Variants in DPP10 observed in about 807,000 individuals in gnomAD.
DPP10 encodes the protein dipeptidyl peptidase like 10, also known as inactive dipeptidyl peptidase 10.
In DPP10, 33 loss-of-function variants were observed where a neutral mutation model predicts 120.9. The observed-to-expected ratio is 0.27, with a 90% CI of 0.21 to 0.37. The LOEUF (loss-of-function observed/expected upper bound fraction) is 0.37. Among genes scored for constraint, DPP10 ranks in the 10% least tolerant of loss-of-function variants. The pLI is 1.00. For missense variants in DPP10, 816 were observed against 942.8 expected (o/e 0.87, Z 1.76); for synonymous variants, 337 against 326.1 (o/e 1.03, Z -0.36).
At chr2:115,555,375 G>A (rs979056514) in intron 5 of DPP10, among the ~76,000 whole-genome samples, 23 of 151,930 alleles carry the variant, frequency 1.5e-4, no homozygotes, top group African/African-American at 5.3e-4. Flanking sequence ...AAAACCTAAC[G>A]GAGTTATTAG....
intron 2 of DPP10, among the ~76,000 whole-genome samples, chr2:115,330,462 G>T (rs1383516217): frequency 3.3e-5 from 5 of 151,672 alleles, no homozygotes; most frequent in African/African-American, 7.3e-5. Flanking sequence ...GTCAATTGTG[G>T]CTTTTGTTGC....
chr2:114,653,598 C>T lies in DPP10; in HGVS notation c.60+210760C>T, dbSNP rs571396169. 2.0e-5 allele frequency among the ~76,000 whole-genome samples: 3 copies of T among 152,230 alleles called. No homozygotes were observed. In the East Asian group the frequency reaches 5.8e-4, roughly 29 times the overall value. ...AAGTCATTTTGTTTAACATTTGATC[C>T]ATGCATTTGTCATGCCCTCCAAAGG... On this transcript the variant is annotated intron_variant, in intron 1 of 25. Coordinates refer to ENST00000410059, the MANE Select transcript of DPP10 (RefSeq NM_020868.6).
intron 5 of DPP10, among the ~76,000 whole-genome samples, chr2:115,621,291 T>A (rs2084925915): frequency 6.6e-6 from 1 of 152,202 alleles, no homozygotes; most frequent in South Asian, 2.1e-4. Context: ...GGATAAATAC[T>A]GTAATTATCC....
chr2:115,133,143 G>GTATATATA (rs1238047393), intron 1 of DPP10, among the ~76,000 whole-genome samples: 73 of 31,996 alleles, frequency 2.3e-3, no homozygotes, highest in Non-Finnish European at 2.7e-3. Flanking sequence ...GTGTGTGTGT[G>GTATATATA]TGTATATATA....
At chr2:114,956,932 C>A in intron 1 of DPP10, among the ~76,000 whole-genome samples, 1 of 141,586 alleles carries the variant, frequency 7.1e-6, no homozygotes, top group African/African-American at 2.6e-5. Flanking sequence ...TAAAAAATAT[C>A]AACTCAAAAT....
chr2:114,828,041 C>T (rs1686723834), intron 1 of DPP10, among the ~76,000 whole-genome samples: 1 of 152,020 alleles, frequency 6.6e-6, no homozygotes, highest in Non-Finnish European at 1.5e-5. Context: ...TTGTTGTTGT[C>T]AGAGTCAAAA....
At chr2:114,723,948 TA>T in intron 1 of DPP10, among the ~76,000 whole-genome samples, 1 of 152,290 alleles carries the variant, frequency 6.6e-6, no homozygotes, top group Middle Eastern at 3.4e-3. Flanking sequence ...CACACCCATA[TA>T]AAAGGATAGG....
intron 1 of DPP10, among the ~76,000 whole-genome samples, chr2:115,125,135 T>C (rs1256052535): frequency 6.6e-6 from 1 of 152,198 alleles, no homozygotes. Context: ...ATTCATAAAG[T>C]TGTGCATTGC....
chr2:115,651,518 G>A (rs542489470), intron 5 of DPP10, among the ~76,000 whole-genome samples: 2 of 152,106 alleles, frequency 1.3e-5, no homozygotes, highest in African/African-American at 2.4e-5. Flanking sequence ...AAAAGAATTC[G>A]AAAGAAACAG....
intron 1 of DPP10, among the ~76,000 whole-genome samples, chr2:114,677,687 A>C (rs1698758887): frequency 6.6e-6 from 1 of 152,054 alleles, no homozygotes; most frequent in Admixed American, 6.6e-5. Flanking sequence ...GCGAATCAAT[A>C]TAGTTAAAGG....
chr2:115,663,230 T>A (rs894260228), intron 5 of DPP10, among the ~76,000 whole-genome samples: 1 of 152,178 alleles, frequency 6.6e-6, no homozygotes, highest in African/African-American at 2.4e-5. Context: ...CAGTATTTTT[T>A]AAAATTCTTG....
rs149345039 is a variant in DPP10, at chr2:114,868,479, C to T, written c.60+425641C>T. On this transcript the variant is annotated intron_variant, in intron 1 of 25. Coordinates refer to ENST00000410059, the MANE Select transcript of DPP10 (RefSeq NM_020868.6). ...TTATTTCCCCATTTCACCACGTTCACCTCCAATTCAGTGCATGATGGTGCA... is the reference window on the plus strand; with the variant it reads ...TTATTTCCCCATTTCACCACGTTCATCTCCAATTCAGTGCATGATGGTGCA... 5.1e-4 allele frequency among the ~76,000 whole-genome samples: 78 copies of T among 152,262 alleles called. 2 individuals are homozygous for T. In the East Asian group the frequency reaches 0.012, roughly 24 times the overall value.
chr2:115,442,564 TC>T (rs896733699), intron 3 of DPP10, among the ~76,000 whole-genome samples: 24 of 152,284 alleles, frequency 1.6e-4, no homozygotes, highest in African/African-American at 5.8e-4. Context: ...TGAAGATTTT[TC>T]TGGTTGTTTG....
intron 1 of DPP10, among the ~76,000 whole-genome samples, chr2:114,519,052 A>G (rs773304774): frequency 2.6e-5 from 4 of 152,226 alleles, no homozygotes; most frequent in Non-Finnish European, 4.4e-5. Flanking sequence ...ACTGTCTCTG[A>G]TGAGTCTTAA....
intron 1 of DPP10, among the ~76,000 whole-genome samples, chr2:115,281,569 A>G (rs2105877262): frequency 6.6e-6 from 1 of 152,312 alleles, no homozygotes; most frequent in East Asian, 1.9e-4. Context: ...CGTAGGAGTA[A>G]ACATAACTTC....
intron 1 of DPP10, among the ~76,000 whole-genome samples, chr2:115,093,531 C>A (rs906398218): frequency 1.4e-4 from 21 of 151,616 alleles, no homozygotes; most frequent in African/African-American, 4.8e-4. Flanking sequence ...GGAAGGAAAC[C>A]AAATCTGGAG....
intron 1 of DPP10, among the ~76,000 whole-genome samples, chr2:115,156,945 GT>G (rs2051955212): frequency 6.6e-6 from 1 of 151,976 alleles, no homozygotes; most frequent in East Asian, 1.9e-4. Flanking sequence ...ATGATGGAAG[GT>G]TTTCTTTTTT....
chr2:114,458,215 T>C (rs991776393), intron 1 of DPP10, among the ~76,000 whole-genome samples: 2 of 152,204 alleles, frequency 1.3e-5, no homozygotes, highest in Non-Finnish European at 2.9e-5. Context: ...TAACAAATAG[T>C]ACCCCGTTCT....
intron 1 of DPP10, among the ~76,000 whole-genome samples, chr2:114,880,600 G>C (rs1490254232): frequency 6.6e-6 from 1 of 152,020 alleles, no homozygotes; most frequent in Non-Finnish European, 1.5e-5. Flanking sequence ...TTTGTCCTTT[G>C]GATTTTAAGT....
Sources: gnomAD v4.1 joint callset for allele counts (sites outside exome capture counted in the v4.1 genomes callset) on GRCh38, gnomAD v4.1.1 for gene constraint, MANE v1.5 for transcripts, NCBI Gene and HGNC (gene_info 2026-07-23, HGNC 2026-07-21) for gene names.